TLN2: variants seen among roughly 807,000 people sequenced by gnomAD.
The protein encoded by TLN2 is talin 2.
In TLN2, 118 loss-of-function variants were observed where a neutral mutation model predicts 294.7. The ratio of observed to expected loss-of-function variants is 0.40; its 90% CI spans 0.34 to 0.47. The LOEUF is 0.47. Among genes scored for constraint, TLN2 ranks in the 20% least tolerant of loss-of-function variants. The probability of loss-of-function intolerance (pLI) is 0.84; values close to 1 mark genes in which losing one functional copy is unlikely to be tolerated. For synonymous variants in TLN2, 1,431 were observed against 1,304.5 expected (o/e 1.10, Z -2.09); for missense variants, 3,083 against 3,282.2 (o/e 0.94, Z 1.48).
intron 1 of TLN2, among the ~76,000 whole-genome samples, chr15:62,577,932 G>C (rs201121551): frequency 3.9e-5 from 6 of 152,170 alleles, no homozygotes; most frequent in Admixed American, 3.9e-4. Context: ...CTATGAGTGA[G>C]AACATGCAGT....
At chr15:62,575,102 CAGG>C (rs1406963907) in intron 1 of TLN2, among the ~76,000 whole-genome samples, 7 of 152,040 alleles carry the variant, frequency 4.6e-5, no homozygotes, top group African/African-American at 1.7e-4. Context: ...AGCTTGAGCC[CAGG>C]AGTTCAAGAC....
chr15:62,631,894 G>A (rs1165091890), intron 3 of TLN2, among the ~76,000 whole-genome samples: 3 of 152,006 alleles, frequency 2.0e-5, no homozygotes, highest in African/African-American at 7.2e-5. Flanking sequence ...TAGTTTTATA[G>A]TGAGGTATTT....
chr15:62,735,664 T>C (rs1241276145), intron 28 of TLN2, among the ~76,000 whole-genome samples: 1 of 152,238 alleles, frequency 6.6e-6, no homozygotes, highest in African/African-American at 2.4e-5. Flanking sequence ...TTTGGAAAAC[T>C]GTTTTTGTAG....
chr15:62,713,676 C>T (rs1030033410), intron 22 of TLN2, among the ~76,000 whole-genome samples: 30 of 151,158 alleles, frequency 2.0e-4, no homozygotes, highest in African/African-American at 7.0e-4. Context: ...AAGACTCTGT[C>T]TCAAAAAAAA....
chr15:62,708,930 C>T, intron 21 of TLN2, 134 bp downstream of exon 21: 1 of 1,036,188 alleles, frequency 9.7e-7, no homozygotes, highest in Non-Finnish European at 1.4e-6. Context: ...AAGACTTCCC[C>T]ACTGAAGCTC....
chr15:62,738,431 A>C (rs1595841192), intron 30 of TLN2, 98 bp downstream of exon 30: 12 of 1,393,028 alleles, frequency 8.6e-6, no homozygotes, highest in East Asian at 2.5e-5. Context: ...TGAGCAGCTA[A>C]CCCTTCCTTT....
intron 52 of TLN2, among the ~76,000 whole-genome samples, chr15:62,812,872 T>C (rs557965988): frequency 3.0e-4 from 46 of 152,320 alleles, no homozygotes; most frequent in South Asian, 1.2e-3. Flanking sequence ...AGGAACATTA[T>C]AGAAGGTCTA....
At chr15:62,533,120 G>C (rs774606084) in intron 1 of TLN2, among the ~76,000 whole-genome samples, 3 of 151,822 alleles carry the variant, frequency 2.0e-5, no homozygotes. Context: ...CAGGTGTGGT[G>C]GTGGGCACCT....
At chr15:62,774,271 C>T (rs1164690123) in intron 42 of TLN2, among the ~76,000 whole-genome samples, 3 of 152,118 alleles carry the variant, frequency 2.0e-5, no homozygotes, top group Non-Finnish European at 2.9e-5. Flanking sequence ...CCTTTGGAAG[C>T]GGACTTCAGA....
chr15:62,746,378 G>A (rs1023115457), intron 32 of TLN2, among the ~76,000 whole-genome samples: 6 of 152,220 alleles, frequency 3.9e-5, no homozygotes, highest in Admixed American at 3.9e-4. Context: ...ACTAGGGATT[G>A]TCCGGCTGTC....
chr15:62,403,235 G>GAAA (rs11413710), intron 1 of TLN2, among the ~76,000 whole-genome samples: 1 of 149,132 alleles, frequency 6.7e-6, no homozygotes, highest in Non-Finnish European at 1.5e-5. Flanking sequence ...AAAAAGAGAG[G>GAAA]AAAAAAAAAA....
chr15:62,547,290 T>C (rs964840906), intron 1 of TLN2, among the ~76,000 whole-genome samples: 2 of 152,248 alleles, frequency 1.3e-5, no homozygotes, highest in Admixed American at 6.5e-5. Context: ...ATAAGGGACA[T>C]GTCATGCCAC....
chr15:62,498,153 CAAAAAAAAAAAA>C (rs538951284), intron 1 of TLN2, among the ~76,000 whole-genome samples: 4 of 93,386 alleles, frequency 4.3e-5, no homozygotes, highest in Non-Finnish European at 4.4e-5. Context: ...GACCCTGCCT[CAAAAAAAAAAAA>C]AAAAAAAAAG....
At chr15:62,433,993 C>T (rs974456181) in intron 1 of TLN2, among the ~76,000 whole-genome samples, 8 of 150,974 alleles carry the variant, frequency 5.3e-5, no homozygotes, top group African/African-American at 1.5e-4. Flanking sequence ...TGTCCCCCCG[C>T]CCCCGCCCAA....
At chr15:62,500,439 G>A (rs1474692762) in intron 1 of TLN2, among the ~76,000 whole-genome samples, 1 of 152,214 alleles carries the variant, frequency 6.6e-6, no homozygotes, top group Non-Finnish European at 1.5e-5. Context: ...ATTGTCTCCA[G>A]TGTGCTCAGT....
chr15:62,842,044 C>T lies in TLN2; in HGVS notation c.*1434C>T, dbSNP rs1034412679. ...CACTATAGTTTCAAAGTTCCACTGA[C>T]GGGGGAAAGTTGGTGCTTTGGTCCT... On this transcript the variant is annotated 3_prime_UTR_variant, in exon 59 of 59. Transcript: ENST00000636159. The T allele has an allele frequency of 5.3e-5, 8 of 152,118 alleles. No individual in the cohort carries two copies. Among genetic ancestry groups the T allele is most frequent in the South Asian group, 2.1e-4 (1 of 4,818 alleles). The allele number at this position is 152,118 out of a possible 1,614,324, so 9.4% of individuals were successfully genotyped here. A position where few individuals can be genotyped will look rare whatever the true frequency, so the allele number is the denominator to read the frequency against.
At chr15:62,401,422 T>C (rs542371466) in intron 1 of TLN2, among the ~76,000 whole-genome samples, 1 of 152,148 alleles carries the variant, frequency 6.6e-6, no homozygotes, top group East Asian at 1.9e-4. Context: ...GAATTGGTAG[T>C]GATAGTGGAG....
At chr15:62,530,398 C>A (rs2040979232) in intron 1 of TLN2, among the ~76,000 whole-genome samples, 1 of 152,096 alleles carries the variant, frequency 6.6e-6, no homozygotes, top group African/African-American at 2.4e-5. Flanking sequence ...CGCTCTGTTG[C>A]CCAGCCTGGA....
chr15:62,396,853 C>T (rs764931950), intron 1 of TLN2, among the ~76,000 whole-genome samples: 39 of 152,224 alleles, frequency 2.6e-4, no homozygotes, highest in Middle Eastern at 3.4e-3. Context: ...TAAGGGCATG[C>T]GCCACCACTC....
Sources: allele counts gnomAD v4.1 joint callset (sites outside exome capture counted in the v4.1 genomes callset), GRCh38; gene constraint gnomAD v4.1.1; transcripts MANE v1.5; gene names NCBI Gene and HGNC (gene_info 2026-07-23, HGNC 2026-07-21).